Variants in VPS8 observed in about 807,000 individuals in gnomAD.
The protein encoded by VPS8 is vacuolar protein sorting-associated protein 8 homolog.
Under a neutral mutation model 216.4 loss-of-function variants are expected in VPS8, and 129 were observed. The observed-to-expected ratio is 0.60, with a 90% CI of 0.52 to 0.69. The LOEUF is 0.69. Ranked by LOEUF, VPS8 falls within the 30% of genes least tolerant of loss-of-function variation. The probability of loss-of-function intolerance (pLI) is 0.00; values close to 1 mark genes in which losing one functional copy is unlikely to be tolerated. For missense variants in VPS8, 1,531 were observed against 1,683.5 expected, an observed-to-expected ratio of 0.91 and a Z score of 1.59; for synonymous variants, 571 against 565.4, an observed-to-expected ratio of 1.01 and a Z score of -0.14.
intron 8 of VPS8, 140 bp downstream of exon 8, chr3:184,843,385 G>C: frequency 2.0e-6 from 1 of 495,360 alleles, no homozygotes; most frequent in South Asian, 6.5e-5. Context: ...AATTAGTTAA[G>C]TGGGAAATTG....
intron 46 of VPS8, among the ~76,000 whole-genome samples, chr3:185,047,985 G>T (rs2108541902): frequency 6.6e-6 from 1 of 152,298 alleles, no homozygotes. Context: ...GGCTAGACCG[G>T]CCCTTTTCCC....
At chr3:184,956,833 A>C (rs1198414489) in intron 36 of VPS8, among the ~76,000 whole-genome samples, 1 of 152,202 alleles carries the variant, frequency 6.6e-6, no homozygotes, top group Non-Finnish European at 1.5e-5. Context: ...ATAACCAAAA[A>C]AATTAGTCCT....
intron 24 of VPS8, among the ~76,000 whole-genome samples, chr3:184,899,271 T>C (rs1734060160): frequency 6.6e-6 from 1 of 152,216 alleles, no homozygotes; most frequent in Non-Finnish European, 1.5e-5. Flanking sequence ...GGAGAATGAG[T>C]TGTAGACACA....
chr3:184,988,161 G>A (rs775634018), intron 42 of VPS8, among the ~76,000 whole-genome samples: 1 of 152,138 alleles, frequency 6.6e-6, no homozygotes, highest in Admixed American at 6.5e-5. Flanking sequence ...AGAAGTGTTT[G>A]CTTTTAATGA....
At chr3:184,839,236 A>G (rs771476160) in intron 6 of VPS8, 40 of 176,132 alleles carry the variant, frequency 2.3e-4, no homozygotes, top group Non-Finnish European at 4.4e-4. Flanking sequence ...CCTTTTTAGC[A>G]TTCCTTTTAG....
At chr3:185,001,073 C>T (rs566724093) in intron 45 of VPS8, among the ~76,000 whole-genome samples, 2 of 152,282 alleles carry the variant, frequency 1.3e-5, no homozygotes, top group African/African-American at 4.8e-5. Context: ...GGCACTGTGC[C>T]AGGTGCCTGG....
chr3:184,859,838 C>A, intron 14 of VPS8, 147 bp from the exon 15 acceptor site: 2 of 553,988 alleles, frequency 3.6e-6, no homozygotes, highest in Non-Finnish European at 6.5e-6. Context: ...TTTTCATAAT[C>A]ATTTGTGTAA....
chr3:184,991,044 G>A (rs958279716), intron 42 of VPS8, among the ~76,000 whole-genome samples: 2 of 151,972 alleles, frequency 1.3e-5, no homozygotes, highest in African/African-American at 2.4e-5. Flanking sequence ...CTGAGAAGCC[G>A]TTTATTACTT....
chr3:185,043,012 A>G (rs1427356025), intron 46 of VPS8, among the ~76,000 whole-genome samples: 2 of 152,150 alleles, frequency 1.3e-5, no homozygotes, highest in Non-Finnish European at 2.9e-5. Context: ...ATCTAATGAC[A>G]CAGCCTTCAC....
At chr3:184,852,479 A>G (rs1462975350) in intron 10 of VPS8, 21 bp from the exon 11 acceptor site, 1 of 1,606,504 alleles carries the variant, frequency 6.2e-7, no homozygotes, top group Admixed American at 1.7e-5. Flanking sequence ...GTACAAGAAA[A>G]TAAATTCCTT....
chr3:184,906,208 A>G (rs1735461766), intron 25 of VPS8, among the ~76,000 whole-genome samples: 2 of 152,174 alleles, frequency 1.3e-5, no homozygotes, highest in African/African-American at 2.4e-5. Flanking sequence ...TGTGTTGTCT[A>G]ATTTCCACCT....
At chr3:184,943,595 T>C (rs994779040) in intron 36 of VPS8, among the ~76,000 whole-genome samples, 2 of 152,216 alleles carry the variant, frequency 1.3e-5, no homozygotes, top group East Asian at 3.8e-4. Flanking sequence ...CTTCTCTTTT[T>C]GTTCTTTTTA....
intron 42 of VPS8, among the ~76,000 whole-genome samples, chr3:184,991,216 C>T (rs1242715789): frequency 1.3e-5 from 2 of 152,178 alleles, no homozygotes; most frequent in African/African-American, 4.8e-5. Flanking sequence ...ATGGTCATCA[C>T]ATCTTTTCTA....
intron 5 of VPS8, chr3:184,834,952 C>G (rs2108562268): frequency 2.2e-6 from 1 of 447,016 alleles, no homozygotes; most frequent in Non-Finnish European, 4.0e-6. Flanking sequence ...AAATAAAGTT[C>G]TGCTCAGAGT....
chr3:184,936,792 C>T (rs1357665457), intron 35 of VPS8, among the ~76,000 whole-genome samples: 2 of 150,842 alleles, frequency 1.3e-5, no homozygotes, highest in African/African-American at 2.4e-5. Flanking sequence ...GGCTGGAGTG[C>T]AGTGGTGTGA....
At chr3:185,018,483 A>G (rs1329442823) in intron 45 of VPS8, among the ~76,000 whole-genome samples, 1 of 152,228 alleles carries the variant, frequency 6.6e-6, no homozygotes, top group Non-Finnish European at 1.5e-5. Context: ...GTTGGTCTGC[A>G]GTTACATTAA....
At chr3:184,962,950 C>T (rs1746780695) in intron 37 of VPS8, among the ~76,000 whole-genome samples, 1 of 151,988 alleles carries the variant, frequency 6.6e-6, no homozygotes, top group African/African-American at 2.4e-5. Context: ...ATTATCCATT[C>T]CTCACTGATT....
At chr3:184,843,309 A>T in intron 8 of VPS8, 64 bp downstream of exon 8, 2 of 1,212,654 alleles carry the variant, frequency 1.6e-6, no homozygotes, top group Non-Finnish European at 2.2e-6. Context: ...TTGGAAGAGA[A>T]TGCTACCAAT....
chr3:184,863,938 A>G (rs1431148821), intron 16 of VPS8, among the ~76,000 whole-genome samples: 2 of 152,174 alleles, frequency 1.3e-5, no homozygotes, highest in Non-Finnish European at 2.9e-5. Context: ...AACCAAGAAA[A>G]GTCAGAATAA....
Sources: allele counts gnomAD v4.1 joint callset (sites outside exome capture counted in the v4.1 genomes callset), GRCh38; gene constraint gnomAD v4.1.1; transcripts MANE v1.5; gene names NCBI Gene and HGNC (gene_info 2026-07-23, HGNC 2026-07-21).